INPP5A: variants seen among roughly 807,000 people sequenced by gnomAD.
INPP5A encodes the protein 43 kDa inositol polyphosphate 5-phophatase.
In INPP5A, 14 loss-of-function variants were observed where a neutral mutation model predicts 65.2. The ratio of observed to expected loss-of-function variants is 0.21; its 90% CI spans 0.14 to 0.34. INPP5A has a LOEUF of 0.34. Among genes scored for constraint, INPP5A ranks in the 10% least tolerant of loss-of-function variants. INPP5A has a pLI of 1.00. For missense variants in INPP5A, 431 were observed against 545.6 expected (o/e 0.79, Z 2.09); for synonymous variants, 207 against 208.3 (o/e 0.99, Z 0.05).
chr10:132,615,500 C>T (rs1284256589), intron 2 of INPP5A, among the ~76,000 whole-genome samples: 1 of 152,216 alleles, frequency 6.6e-6, no homozygotes, highest in Non-Finnish European at 1.5e-5. Flanking sequence ...GAGGAAGTGG[C>T]TGCTGGGTGC....
intron 1 of INPP5A, among the ~76,000 whole-genome samples, chr10:132,590,835 A>T (rs1298448477): frequency 1.3e-5 from 2 of 151,900 alleles, no homozygotes; most frequent in Non-Finnish European, 2.9e-5. Flanking sequence ...CGTGTGGGTC[A>T]CTGTGGTCAT....
intron 1 of INPP5A, among the ~76,000 whole-genome samples, chr10:132,590,573 G>A (rs1356866669): frequency 6.6e-6 from 1 of 152,162 alleles, no homozygotes; most frequent in Non-Finnish European, 1.5e-5. Flanking sequence ...CCACCATGCT[G>A]GTCGCACCCT....
chr10:132,652,782 G>A (rs2072594392), intron 4 of INPP5A, among the ~76,000 whole-genome samples: 1 of 152,262 alleles, frequency 6.6e-6, no homozygotes, highest in Non-Finnish European at 1.5e-5. Context: ...CTGTCTGCAT[G>A]TCAGGGTGCC....
At chr10:132,586,293 C>A (rs1481887495) in intron 1 of INPP5A, among the ~76,000 whole-genome samples, 5 of 152,238 alleles carry the variant, frequency 3.3e-5, no homozygotes, top group African/African-American at 9.6e-5. Context: ...AGCAGCAGAA[C>A]AGAAGCCAGC....
intron 2 of INPP5A, among the ~76,000 whole-genome samples, chr10:132,630,714 G>A (rs1303125833): frequency 7.1e-6 from 1 of 140,434 alleles, no homozygotes; most frequent in Non-Finnish European, 1.6e-5. Context: ...ATGAGGGTGG[G>A]GGGCGGGTGG....
At chr10:132,656,902 C>G (rs893830869) in intron 4 of INPP5A, among the ~76,000 whole-genome samples, 3 of 152,300 alleles carry the variant, frequency 2.0e-5, no homozygotes, top group Admixed American at 2.0e-4. Flanking sequence ...ACCGTGGGAC[C>G]CCATGTGCCA....
At position 132,679,663 on chromosome 10, in the gene INPP5A, A is replaced by G. The variant is rs191131055; in HGVS notation, c.307-10729A>G. 3.5e-3 allele frequency among the ~76,000 whole-genome samples: 528 copies of G among 152,342 alleles called. 2 individuals carry two copies. Among genetic ancestry groups the G allele is most frequent in the African/African-American group, 0.012 (499 of 41,562 alleles). ...TGATGAGACAAATAAATAATTCTGGATTATATTTAAAAATTAAAAATCTAC... is the reference window on the plus strand; with the variant it reads ...TGATGAGACAAATAAATAATTCTGGGTTATATTTAAAAATTAAAAATCTAC... On this transcript the variant is annotated intron_variant, in intron 4 of 15. Transcript: ENST00000368594.
At chr10:132,689,877 T>C (rs950453463) in intron 4 of INPP5A, among the ~76,000 whole-genome samples, 3 of 152,196 alleles carry the variant, frequency 2.0e-5, no homozygotes, top group South Asian at 2.1e-4. Context: ...CCTGGGGCGA[T>C]GGGGCAGGGT....
chr10:132,599,042 G>A (rs756295877), intron 1 of INPP5A, among the ~76,000 whole-genome samples: 4 of 152,156 alleles, frequency 2.6e-5, no homozygotes, highest in Non-Finnish European at 5.9e-5. Context: ...AGATTTGGGT[G>A]GGGACACAGC....
chr10:132,770,380 T>G (rs1846927928), intron 12 of INPP5A, among the ~76,000 whole-genome samples: 1 of 152,232 alleles, frequency 6.6e-6, no homozygotes, highest in African/African-American at 2.4e-5. Context: ...GTGCTGTGCA[T>G]AGTCAGCCGG....
chr10:132,710,751 G>A (rs1337960120), intron 8 of INPP5A, among the ~76,000 whole-genome samples: 10 of 151,186 alleles, frequency 6.6e-5, no homozygotes, highest in Admixed American at 6.6e-4. Context: ...AGGTGTGCTG[G>A]GCAGGTAGGT....
In INPP5A at chr10:132,676,990, C is replaced by T. The variant is rs1040020514; in HGVS notation, c.307-13402C>T. Among the ~76,000 whole-genome samples, 96 of 85,418 alleles carry T rather than the reference C, an allele frequency of 1.1e-3. 1 individual carries two copies. The highest frequency in any genetic ancestry group is 3.7e-3 in the African/African-American group (93 of 25,294). 56.0% of individuals were successfully genotyped at this position (85,418 alleles called of 152,430 possible). A position where few individuals can be genotyped will look rare whatever the true frequency, so the allele number is the denominator to read the frequency against. ...TTCACATGGTGACCCCCACCGTCAC[C>T]CAGGCACCTGTCCTGAACTGTAGAC... On this transcript the variant is annotated intron_variant, in intron 4 of 15. Coordinates refer to ENST00000368594, the MANE Select transcript of INPP5A (RefSeq NM_005539.5). The surrounding 1 kb of genome is among the most constrained non-coding windows in gnomAD (Gnocchi z 4.0).
At chr10:132,670,394 A>T in intron 4 of INPP5A, among the ~76,000 whole-genome samples, 1 of 5,474 alleles carries the variant, frequency 1.8e-4, no homozygotes, top group Admixed American at 2.6e-3. Context: ...CTGACCCTAC[A>T]TCCTCTGAGT....
intron 9 of INPP5A, among the ~76,000 whole-genome samples, chr10:132,748,443 T>G (rs916884649): frequency 2.0e-5 from 3 of 152,188 alleles, no homozygotes; most frequent in African/African-American, 7.2e-5. Flanking sequence ...TAGGCATTCT[T>G]GTTTTCATGA....
At chr10:132,738,412 C>T (rs1404326847) in intron 9 of INPP5A, among the ~76,000 whole-genome samples, 3 of 152,240 alleles carry the variant, frequency 2.0e-5, no homozygotes, top group Non-Finnish European at 4.4e-5. Flanking sequence ...CTCCCTTTGC[C>T]ACATCCCCCT....
At chr10:132,694,811 GAC>G (rs1179201633) in intron 5 of INPP5A, among the ~76,000 whole-genome samples, 1 of 152,130 alleles carries the variant, frequency 6.6e-6, no homozygotes, top group Non-Finnish European at 1.5e-5. Context: ...TTCCTTGAAA[GAC>G]ACAATCTATG....
chr10:132,660,591 A>G (rs2133415477), intron 4 of INPP5A, among the ~76,000 whole-genome samples: 1 of 152,270 alleles, frequency 6.6e-6, no homozygotes, highest in South Asian at 2.1e-4. Flanking sequence ...AACAGGTGGG[A>G]GTGGCTCTGG....
intron 14 of INPP5A, among the ~76,000 whole-genome samples, chr10:132,781,380 C>T (rs2134699499): frequency 6.6e-6 from 1 of 152,292 alleles, no homozygotes; most frequent in South Asian, 2.1e-4. Context: ...GCAACTGCAC[C>T]TCGAGAGTGT....
chr10:132,629,233 C>T (rs2072233091), intron 2 of INPP5A, among the ~76,000 whole-genome samples: 1 of 152,188 alleles, frequency 6.6e-6, no homozygotes, highest in Non-Finnish European at 1.5e-5. Context: ...CTCAAACTTG[C>T]TCTTGCCCTC....
Sources: allele counts gnomAD v4.1 joint callset (sites outside exome capture counted in the v4.1 genomes callset), GRCh38; gene constraint gnomAD v4.1.1; non-coding constraint Gnocchi (gnomAD v3.1); transcripts MANE v1.5; gene names NCBI Gene and HGNC (gene_info 2026-07-23, HGNC 2026-07-21).